The following ITIH6 variants were observed in gnomAD, a reference collection of about 807,000 sequenced individuals.
ITIH6 encodes inter-alpha-trypsin inhibitor heavy chain H6.
Under a neutral mutation model 58.2 loss-of-function variants are expected in ITIH6, and 60 were observed. The observed-to-expected ratio is 1.03, with a 90% CI of 0.84 to 1.28. ITIH6 has a LOEUF of 1.28. ITIH6 is among the 50% of genes most tolerant of loss of function. The probability of loss-of-function intolerance (pLI) is 0.00; values close to 1 mark genes in which losing one functional copy is unlikely to be tolerated. For synonymous variants in ITIH6, 493 were observed against 417.4 expected, an observed-to-expected ratio of 1.18 and a Z score of -2.21; for missense variants, 1,290 against 1,021.1, an observed-to-expected ratio of 1.26 and a Z score of -3.59.
chrX:54,780,205 G>A (rs1929124793), intron 5 of ITIH6, among the ~76,000 whole-genome samples: 1 of 111,651 alleles, frequency 9.0e-6, no homozygotes, highest in Non-Finnish European at 1.9e-5. Flanking sequence ...TTCATCCAAT[G>A]GCTGCAGAAT....
chrX:54,764,921 G>A (rs1928737768), intron 6 of ITIH6, among the ~76,000 whole-genome samples: 1 of 97,202 alleles, frequency 1.0e-5, no homozygotes, highest in South Asian at 5.5e-4. Context: ...TCCAGCACCT[G>A]TTGTTTCCTG....
chrX:54,754,964 TG>T, intron 9 of ITIH6, 52 bp downstream of exon 9: 1 of 920,282 alleles, frequency 1.1e-6, no homozygotes, highest in South Asian at 2.1e-5. Context: ...AGAATTCTAA[TG>T]GAATGGAAAT....
chrX:54,786,148 C>T (rs1189744617), intron 5 of ITIH6, among the ~76,000 whole-genome samples: 5 of 112,134 alleles, frequency 4.5e-5, no homozygotes, highest in Non-Finnish European at 7.5e-5. Flanking sequence ...CCATCATCCA[C>T]ATGGTCACTC....
intron 5 of ITIH6, among the ~76,000 whole-genome samples, chrX:54,774,620 C>T (rs1929019203): frequency 8.8e-6 from 1 of 113,095 alleles, no homozygotes; most frequent in Non-Finnish European, 1.9e-5. Flanking sequence ...TCTTTGCTGC[C>T]AGGGGCTGGG....
chrX:54,755,712 G>A (rs1483521360), intron 8 of ITIH6, among the ~76,000 whole-genome samples: 1 of 110,460 alleles, frequency 9.1e-6, no homozygotes, highest in Non-Finnish European at 1.9e-5. Flanking sequence ...GGTGTTCATT[G>A]GAGGGGCAAA....
chrX:54,784,861 G>A (rs1266914142), intron 5 of ITIH6, among the ~76,000 whole-genome samples: 2 of 111,686 alleles, frequency 1.8e-5, no homozygotes, highest in Non-Finnish European at 3.8e-5. Context: ...CCCAAATAAA[G>A]AAAATCAGTG....
intron 6 of ITIH6, among the ~76,000 whole-genome samples, chrX:54,762,429 C>T (rs1007742971): frequency 9.0e-6 from 1 of 111,680 alleles, no homozygotes; most frequent in Non-Finnish European, 1.9e-5. Context: ...ACTTTGCATG[C>T]TTTGGTTCTG....
At chrX:54,796,576 T>C (rs966237032) in intron 2 of ITIH6, among the ~76,000 whole-genome samples, 1 of 108,919 alleles carries the variant, frequency 9.2e-6, no homozygotes, top group Non-Finnish European at 1.9e-5. Flanking sequence ...CCCAGCTACT[T>C]GGGAGGCTGA....
chrX:54,794,322 A>AT (rs1201206706), intron 2 of ITIH6, among the ~76,000 whole-genome samples: 6 of 110,226 alleles, frequency 5.4e-5, no homozygotes, highest in East Asian at 2.9e-4. Context: ...GCTTTGCTTA[A>AT]TTTTTTTTAA....
At chrX:54,771,650 G>T (rs1429012936) in intron 6 of ITIH6, among the ~76,000 whole-genome samples, 1 of 111,296 alleles carries the variant, frequency 9.0e-6, no homozygotes, top group Non-Finnish European at 1.9e-5. Flanking sequence ...TAAATTCTTG[G>T]TTTGACCCAT....
chrX:54,765,688 C>T (rs144244484), intron 6 of ITIH6, among the ~76,000 whole-genome samples: 4,910 of 107,760 alleles, frequency 0.046, 128 homozygotes, highest in Non-Finnish European at 0.075. Context: ...ACTGCAAGCT[C>T]CGCTTCCTGG....
chrX:54,768,516 G>A (rs1330312505), intron 6 of ITIH6, among the ~76,000 whole-genome samples: 17 of 97,672 alleles, frequency 1.7e-4, no homozygotes, highest in African/African-American at 5.6e-4. Flanking sequence ...GCATGATTTT[G>A]CAGCGGCTGG....
At chrX:54,754,690 A>C (rs941071818) in intron 9 of ITIH6, among the ~76,000 whole-genome samples, 1 of 111,566 alleles carries the variant, frequency 9.0e-6, no homozygotes, top group African/African-American at 3.3e-5. Flanking sequence ...TGGGAACCTC[A>C]GTCCCAGCAA....
At chrX:54,760,740 A>G (rs1286177193) in intron 6 of ITIH6, among the ~76,000 whole-genome samples, 1 of 111,208 alleles carries the variant, frequency 9.0e-6, no homozygotes, top group East Asian at 2.8e-4. Flanking sequence ...TTCCAGCTTC[A>G]TCCATGTCCC....
Position 54,759,800 on chromosome X carries a change from ACATT to A in ITIH6, c.1027_1030del (p.Asn343SerfsTer30), listed in dbSNP as rs953367789. 1 of 1,211,312 alleles carries A rather than the reference ACATT, an allele frequency of 8.3e-7. No homozygotes were observed. Among genetic ancestry groups the A allele is most frequent in the African/African-American group, 1.7e-5 (1 of 57,813 alleles). On this transcript the variant is annotated frameshift_variant, in exon 7 of 13. Transcript: ENST00000218436. LOFTEE classifies it high-confidence loss of function. ...ATGCAGGTAGTCCTTGGCACTGTGG[ACATT>A]CTGGATGGTGGCCTGGATTGAGCCT...
Position 54,797,036 on chromosome X carries a change from C to A in ITIH6, c.163G>T (p.Val55Phe), listed in dbSNP as rs1220017865. 13 of 1,208,369 alleles carry A rather than the reference C, an allele frequency of 1.1e-5. No homozygotes were observed. Among genetic ancestry groups the A allele is most frequent in the Non-Finnish European group, 1.2e-5 (11 of 894,000 alleles). ...TGTGGATTAAACAGGACAGAGGTGA[C>A]CAAGGTGTGGGCATAGCGAGACACC... ...TVVSRYAHTL[V>F]TSVLFNPHAE... is the part of the protein sequence containing the mutation. Residue 55 changes from valine (V) to phenylalanine (F), a missense_variant, in exon 2 of 13, where the codon GTC becomes TTC. Transcript: ENST00000218436.
At chrX:54,788,342 T>C (rs1237280269) in intron 5 of ITIH6, 138 bp downstream of exon 5, 1 of 506,685 alleles carries the variant, frequency 2.0e-6, no homozygotes, top group Non-Finnish European at 3.2e-6. Flanking sequence ...GCCGTGTGTC[T>C]TTTCACGTCA....
At chrX:54,772,419 CAAAAT>C (rs1425601498) in intron 6 of ITIH6, among the ~76,000 whole-genome samples, 1 of 111,936 alleles carries the variant, frequency 8.9e-6, no homozygotes, top group Non-Finnish European at 1.9e-5. Context: ...ACCTGGGTGA[CAAAAT>C]AATCTGTACA....
intron 6 of ITIH6, among the ~76,000 whole-genome samples, chrX:54,772,133 G>A (rs1413776073): frequency 2.7e-5 from 3 of 112,396 alleles, no homozygotes; most frequent in African/African-American, 6.5e-5. Flanking sequence ...TAAAGAAAAT[G>A]TGGTACATAT....
Sources: allele counts gnomAD v4.1 joint callset (sites outside exome capture counted in the v4.1 genomes callset), GRCh38; gene constraint gnomAD v4.1.1; transcripts MANE v1.5; gene names NCBI Gene and HGNC (gene_info 2026-07-23, HGNC 2026-07-21).